Variants in NR6A1 observed in about 807,000 individuals in gnomAD.
NR6A1 encodes the protein nuclear receptor subfamily 6 group A member 1, also known as retinoic acid receptor-related testis-associated receptor.
A neutral mutation model predicts 59.1 loss-of-function variants in NR6A1; 7 were observed. The ratio of observed to expected loss-of-function variants is 0.12; its 90% CI spans 0.07 to 0.22. The LOEUF (loss-of-function observed/expected upper bound fraction) is 0.22. Among genes scored for constraint, NR6A1 ranks in the 10% least tolerant of loss-of-function variants. The pLI is 1.00. For missense variants in NR6A1, 468 were observed against 611.6 expected (o/e 0.77, Z 2.48); for synonymous variants, 243 against 236.1 (o/e 1.03, Z -0.27).
chr9:124,754,403 T>C (rs1038192139), intron 1 of NR6A1, among the ~76,000 whole-genome samples: 17 of 152,210 alleles, frequency 1.1e-4, no homozygotes, highest in African/African-American at 3.6e-4. Flanking sequence ...GACAGTTAAT[T>C]ACCTTTTAAG....
intron 1 of NR6A1, among the ~76,000 whole-genome samples, chr9:124,736,067 C>A (rs566060456): frequency 1.3e-5 from 2 of 152,248 alleles, no homozygotes; most frequent in East Asian, 3.9e-4. Context: ...AGAAGTGAAA[C>A]TGAGAATAAG....
intron 1 of NR6A1, among the ~76,000 whole-genome samples, chr9:124,750,308 G>A (rs1321939366): frequency 6.6e-6 from 1 of 152,134 alleles, no homozygotes; most frequent in Non-Finnish European, 1.5e-5. Context: ...CATGTCACAT[G>A]CCCAGGGCCA....
intron 2 of NR6A1, among the ~76,000 whole-genome samples, chr9:124,723,359 A>C (rs981718170): frequency 6.6e-5 from 10 of 152,172 alleles, no homozygotes; most frequent in Admixed American, 5.9e-4. Flanking sequence ...GTCATTTGGG[A>C]GGTTACCTGC....
At chr9:124,716,957 T>C (rs1022517374) in intron 2 of NR6A1, among the ~76,000 whole-genome samples, 3 of 152,142 alleles carry the variant, frequency 2.0e-5, no homozygotes, top group Non-Finnish European at 4.4e-5. Flanking sequence ...ACCAAAAGAT[T>C]TGAACACTTT....
intron 2 of NR6A1, among the ~76,000 whole-genome samples, chr9:124,614,545 G>A (rs542054432): frequency 4.4e-4 from 67 of 152,248 alleles, no homozygotes; most frequent in African/African-American, 1.6e-3. Flanking sequence ...GGTGGTGATG[G>A]CAGGTTTGTG....
Position 124,761,655 on chromosome 9 carries a change from G to A in NR6A1, c.100+9365C>T, listed in dbSNP as rs747030947. ...TGCATTACCGAAATCACAACTCTAAGACTCAGTGAAGCCAAACATGTCTAA... is the reference window on the plus strand; with the variant it reads ...TGCATTACCGAAATCACAACTCTAAAACTCAGTGAAGCCAAACATGTCTAA... On this transcript the variant is annotated intron_variant, in intron 1 of 9. Transcript: ENST00000487099. 5.3e-4 allele frequency among the ~76,000 whole-genome samples: 81 copies of A among 152,222 alleles called. 1 individual carries two copies. The highest frequency in any genetic ancestry group is 6.8e-3 in the Middle Eastern group (2 of 294).
At chr9:124,770,565 G>A (rs760675272) in intron 1 of NR6A1, among the ~76,000 whole-genome samples, 5 of 150,542 alleles carry the variant, frequency 3.3e-5, no homozygotes, top group African/African-American at 4.9e-5. Context: ...CTGCGTTAAG[G>A]GAACCCGAGT....
intron 2 of NR6A1, among the ~76,000 whole-genome samples, chr9:124,589,412 C>G (rs1034747006): frequency 1.3e-5 from 2 of 152,198 alleles, no homozygotes; most frequent in Non-Finnish European, 2.9e-5. Context: ...CACCACTGCA[C>G]TCCGGCCTGG....
chr9:124,604,524 T>A (rs1835525104), intron 2 of NR6A1, among the ~76,000 whole-genome samples: 1 of 152,206 alleles, frequency 6.6e-6, no homozygotes, highest in South Asian at 2.1e-4. Flanking sequence ...TTAAAAATTA[T>A]TAAATAGGGC....
At chr9:124,729,276 C>T (rs957587667) in intron 2 of NR6A1, among the ~76,000 whole-genome samples, 2 of 152,002 alleles carry the variant, frequency 1.3e-5, no homozygotes, top group African/African-American at 2.4e-5. Flanking sequence ...TACAGTTTGG[C>T]TATGAGAACT....
intron 2 of NR6A1, among the ~76,000 whole-genome samples, chr9:124,590,335 G>C (rs1366576088): frequency 1.3e-5 from 2 of 151,022 alleles, no homozygotes; most frequent in African/African-American, 4.9e-5. Context: ...GAAATACCTA[G>C]CAAAAGTAGT....
At position 124,689,226 on chromosome 9, in the gene NR6A1, T is replaced by C. The variant is rs75780996; in HGVS notation, c.142+44082A>G. Among the ~76,000 whole-genome samples, 1,534 of 152,280 alleles carry C rather than the reference T, an allele frequency of 0.01. 65 individuals carry two copies. The East Asian group carries it at 0.15, about 15-fold the overall frequency. ...CAACTTAAATACCTTTAAAATAACA[T>C]ATAAATCTCCATTTTATAGATAAGG... On this transcript the variant is annotated intron_variant, in intron 2 of 9. Coordinates refer to ENST00000487099, the MANE Select transcript of NR6A1 (RefSeq NM_033334.4).
intron 2 of NR6A1, among the ~76,000 whole-genome samples, chr9:124,653,541 A>G (rs1209211687): frequency 6.6e-6 from 1 of 152,064 alleles, no homozygotes; most frequent in Non-Finnish European, 1.5e-5. Context: ...CTCACAAGTA[A>G]CTAGAACTAC....
intron 1 of NR6A1, among the ~76,000 whole-genome samples, chr9:124,756,112 A>G (rs1423634268): frequency 2.0e-5 from 3 of 152,190 alleles, no homozygotes; most frequent in Non-Finnish European, 2.9e-5. Flanking sequence ...CTGATCTTCA[A>G]TGTACACCCA....
intron 3 of NR6A1, among the ~76,000 whole-genome samples, chr9:124,550,767 C>A (rs1374669769): frequency 2.0e-5 from 3 of 152,082 alleles, no homozygotes; most frequent in African/African-American, 7.2e-5. Context: ...AACTCCAGGG[C>A]TCAAGTGATC....
chr9:124,675,129 A>G (rs2130977922), intron 2 of NR6A1, among the ~76,000 whole-genome samples: 1 of 152,340 alleles, frequency 6.6e-6, no homozygotes, highest in Non-Finnish European at 1.5e-5. Flanking sequence ...GAGGTATCTA[A>G]AGACGCAAAA....
At chr9:124,724,534 CAAA>C (rs778956782) in intron 2 of NR6A1, among the ~76,000 whole-genome samples, 2 of 127,202 alleles carry the variant, frequency 1.6e-5, no homozygotes. Context: ...TAGCACATAC[CAAA>C]AAAAAAAAAA....
intron 1 of NR6A1, 139 bp downstream of exon 1, chr9:124,770,881 G>T (rs2131222148): frequency 4.7e-6 from 2 of 426,622 alleles, no homozygotes; most frequent in East Asian, 7.1e-5. Flanking sequence ...ACGGGGAACG[G>T]GGTGAAGGGC....
chr9:124,686,562 G>A (rs1332291842), intron 2 of NR6A1, among the ~76,000 whole-genome samples: 1 of 151,976 alleles, frequency 6.6e-6, no homozygotes. Context: ...GTTTTTCACT[G>A]ATTACAAATA....
Sources: gnomAD v4.1 joint callset for allele counts (sites outside exome capture counted in the v4.1 genomes callset) on GRCh38, gnomAD v4.1.1 for gene constraint, MANE v1.5 for transcripts, NCBI Gene and HGNC (gene_info 2026-07-23, HGNC 2026-07-21) for gene names.